TRIM56: variants seen among roughly 807,000 people sequenced by gnomAD.
The protein encoded by TRIM56 is tripartite motif containing 56.
In TRIM56, 10 loss-of-function variants were observed where a neutral mutation model predicts 17.1. The observed-to-expected ratio is 0.58, with a 90% CI of 0.36 to 0.99. The LOEUF (loss-of-function observed/expected upper bound fraction) is 0.99. Among genes scored for constraint, TRIM56 ranks in the 50% least tolerant of loss-of-function variants. The pLI is 0.01. For synonymous variants in TRIM56, 503 were observed against 473.5 expected, an observed-to-expected ratio of 1.06 and a Z score of -0.81; for missense variants, 923 against 1,052.3, an observed-to-expected ratio of 0.88 and a Z score of 1.70.
In TRIM56 at chr7:101,087,333, G is replaced by A. The variant is rs1259719489; in HGVS notation, c.21G>A (p.Ser7=). ...GCAGCATGGTTTCCCACGGGTCCTC[G>A]CCCTCCCTCCTGGAGGCCCTGAGCA... The part of the protein sequence containing the change: MVSHGS[S]PSLLEALSSD... The change falls in exon 3 of 3, where the codon TCG becomes TCA. Residue 7 remains serine (S), a synonymous_variant. Transcript: ENST00000306085. 13 of 1,612,380 alleles carry A rather than the reference G, an allele frequency of 8.1e-6. No homozygotes were observed. The highest frequency in any genetic ancestry group is 1.3e-5 in the African/African-American group (1 of 75,018).
rs1345552319 is a variant in TRIM56 at position 101,091,931 on chromosome 7, G to A, written c.*2351G>A. 3.6e-5 allele frequency: 11 copies of A among 305,588 alleles called. No individual in the cohort carries two copies. The highest frequency in any genetic ancestry group is 1.2e-4 in the East Asian group (1 of 8,204). 18.9% of individuals were successfully genotyped at this position (305,588 alleles called of 1,614,324 possible). ...GCCTGCCGAGTGCCTGCGATTGCAG[G>A]CGCGCGCCGCCACGCCTGACTGGTT... On this transcript the variant is annotated 3_prime_UTR_variant, in exon 3 of 3. Transcript: ENST00000306085.
At chr7:101,087,203 C>T (rs953732421) in intron 2 of TRIM56, 35 bp downstream of exon 2, 1 of 1,043,544 alleles carries the variant, frequency 9.6e-7, no homozygotes, top group Non-Finnish European at 1.4e-6. Flanking sequence ...CCATTTGGGT[C>T]AGCCCCTAGC....
At position 101,097,802 on chromosome 7, in the gene TRIM56, T is replaced by C. The variant is rs892679720; in HGVS notation, c.*8222T>C. The C allele has an allele frequency of 3.9e-5, 6 of 152,228 alleles. No individual in the cohort carries two copies. Among genetic ancestry groups the C allele is most frequent in the Admixed American group, 3.9e-4 (6 of 15,272 alleles). The allele number at this position is 152,228 out of a possible 1,614,324, so 9.4% of individuals were successfully genotyped here. On this transcript the variant is annotated 3_prime_UTR_variant, in exon 3 of 3. Coordinates refer to ENST00000306085, the MANE Select transcript of TRIM56 (RefSeq NM_030961.3). ...CCCAGCCCATTTCTCTACATTGCCA[T>C]GGGCTAAACCCAGTGTGCTGTAAAC...
chr7:101,094,481 C>T lies in TRIM56; in HGVS notation c.*4901C>T, dbSNP rs971700056. On this transcript the variant is annotated 3_prime_UTR_variant, in exon 3 of 3. Coordinates refer to ENST00000306085, the MANE Select transcript of TRIM56 (RefSeq NM_030961.3). ...CTTGATTATTTGCTTCAAGGAAATA[C>T]ACCTTTATAAGTAATACTCAATAAC... 6.6e-6 allele frequency: 1 copy of T among 152,068 alleles called. No individual in the cohort carries two copies. The highest frequency in any genetic ancestry group is 2.4e-5 in the African/African-American group (1 of 41,394). 9.4% of individuals were successfully genotyped at this position (152,068 alleles called of 1,614,324 possible).
rs1298017515 is a variant in TRIM56, at chr7:101,087,841, C to G, written c.529C>G (p.Leu177Val). Residue 177 changes from leucine to valine, a missense_variant, in exon 3 of 3, where the codon CTG becomes GTG. Physicochemically the swap from Leu to Val is conservative, Grantham distance 32. Transcript: ENST00000306085. ...GTGTCCCCAGCACCCCGGGGAGGCA[C>G]TGCGCTTCCTGTGCCAGCCCTGCTC... The part of the protein sequence containing the change: ...AQCPQHPGEA[L>V]RFLCQPCSQL... 4 of 1,604,026 alleles carry G rather than the reference C, an allele frequency of 2.5e-6. No individual in the cohort carries two copies. The highest frequency in any genetic ancestry group is 3.4e-6 in the Non-Finnish European group (4 of 1,176,576).
chr7:101,089,513 G>A lies in TRIM56; in HGVS notation c.2201G>A (p.Arg734Lys). The A allele has an allele frequency of 6.2e-7, 1 of 1,614,244 alleles. No individual in the cohort carries two copies. Among genetic ancestry groups the A allele is most frequent in the Non-Finnish European group, 8.5e-7 (1 of 1,180,050 alleles). The change falls in exon 3 of 3, where the codon AGG (arginine) becomes AAG (lysine). Residue 734 changes from arginine (R) to lysine (K), a missense_variant. By Grantham distance (26) the Arg-to-Lys change is conservative. Coordinates refer to ENST00000306085, the MANE Select transcript of TRIM56 (RefSeq NM_030961.3). ...CGGGTTACCACCATGGTGGATGGCAGGTACCTGGTCGTGTCCCTCAGTAAC... is the reference window on the plus strand; with the variant it reads ...CGGGTTACCACCATGGTGGATGGCAAGTACCTGGTCGTGTCCCTCAGTAAC... Reference protein sequence around the residue: ...KPRVTTMVDGRYLVVSLSNGT... With the variant: ...KPRVTTMVDGKYLVVSLSNGT...
chr7:101,091,595 C>G lies in TRIM56; in HGVS notation c.*2015C>G, dbSNP rs572010394. ...TACAAAAATTAGCTAGGCGTGGGAGCGGGCGTCTGTAATCCCAGCTACTTG... is the reference window on the plus strand; with the variant it reads ...TACAAAAATTAGCTAGGCGTGGGAGGGGGCGTCTGTAATCCCAGCTACTTG... On this transcript the variant is annotated 3_prime_UTR_variant, in exon 3 of 3. Transcript: ENST00000306085. 2.7e-6 allele frequency: 1 copy of G among 367,582 alleles called. No individual in the cohort carries two copies. The highest frequency in any genetic ancestry group is 8.0e-5 in the East Asian group (1 of 12,556). The allele number at this position is 367,582 out of a possible 1,614,324, so 22.8% of individuals were successfully genotyped here.
In TRIM56 at chr7:101,095,062, G is replaced by T. The variant is rs1381472166; in HGVS notation, c.*5482G>T. ...CATCTGCCTCCCAAGGCTGGGCTCC[G>T]CGTCAAAAAAAAAAAAAAAAAATGA... On this transcript the variant is annotated 3_prime_UTR_variant, in exon 3 of 3. Coordinates refer to ENST00000306085, the MANE Select transcript of TRIM56 (RefSeq NM_030961.3). 9.3e-6 allele frequency: 1 copy of T among 107,144 alleles called. No individual in the cohort carries two copies. The highest frequency in any genetic ancestry group is 3.3e-4 in the South Asian group (1 of 3,040). The allele number at this position is 107,144 out of a possible 1,614,324, so 6.6% of individuals were successfully genotyped here. A position where few individuals can be genotyped will look rare whatever the true frequency, so the allele number is the denominator to read the frequency against.
In TRIM56 at chr7:101,089,041, G is replaced by T; in HGVS notation, c.1729G>T (p.Gly577Cys). 1 of 1,602,496 alleles carries T rather than the reference G, an allele frequency of 6.2e-7. No individual in the cohort carries two copies. Among genetic ancestry groups the T allele is most frequent in the Non-Finnish European group, 8.5e-7 (1 of 1,178,366 alleles). The part of the protein sequence containing the change: ...SARLYLINPN[G>C]EVQWRRALSL... ...ACGGCTCTATCTCATCAACCCCAAC[G>T]GCGAAGTGCAGTGGCGCAGGGCCCT... is the stretch of plus-strand genomic sequence containing the variant. Residue 577 changes from glycine (G) to cysteine (C), a missense_variant, in exon 3 of 3, where the codon GGC becomes TGC. This residue lies in a region of TRIM56 where 643 missense variants were observed against 665.6 expected (regional missense o/e 0.97). Transcript: ENST00000306085.
chr7:101,091,875 T>A lies in TRIM56; in HGVS notation c.*2295T>A, dbSNP rs956892893. 4 of 338,094 alleles carry A rather than the reference T, an allele frequency of 1.2e-5. No homozygotes were observed. The highest frequency in any genetic ancestry group is 2.3e-5 in the Non-Finnish European group (4 of 171,676). 20.9% of individuals were successfully genotyped at this position (338,094 alleles called of 1,614,324 possible). A position where few individuals can be genotyped will look rare whatever the true frequency, so the allele number is the denominator to read the frequency against. On this transcript the variant is annotated 3_prime_UTR_variant, in exon 3 of 3. Coordinates refer to ENST00000306085, the MANE Select transcript of TRIM56 (RefSeq NM_030961.3). ...CTGTACTGCTGCCATCTCGGCTCAC[T>A]GCAACCTCCCTGCCTGATTCTCCTG...
rs763535074 is a variant in TRIM56, at chr7:101,088,412, G to A, written c.1100G>A (p.Arg367Gln). 2.6e-5 allele frequency: 42 copies of A among 1,608,228 alleles called. No individual in the cohort carries two copies. Among genetic ancestry groups the A allele is most frequent in the South Asian group, 6.6e-5 (6 of 90,708 alleles). ...CTGGACAAGAACTGCCACCTTCTTC[G>A]GCTGTCCTTTGAGGAGCAGCAGCCC... is the stretch of plus-strand genomic sequence containing the variant. ...GLLDKNCHLL[R>Q]LSFEEQQPQK... Residue 367 changes from arginine (R) to glutamine (Q), a missense_variant, in exon 3 of 3, where the codon CGG becomes CAG. By Grantham distance (43) the Arg-to-Gln change is conservative. Around this residue, in one of 3 missense-constraint regions of TRIM56, gnomAD observed 643 missense variants for 665.6 expected, o/e 0.97. Transcript: ENST00000306085.
rs906370685 is a variant in TRIM56 at position 101,094,499 on chromosome 7, T to G, written c.*4919T>G. On this transcript the variant is annotated 3_prime_UTR_variant, in exon 3 of 3. Coordinates refer to ENST00000306085, the MANE Select transcript of TRIM56 (RefSeq NM_030961.3). Reference sequence around the variant, plus strand: ...GGAAATACACCTTTATAAGTAATACTCAATAACTACTGGGTTTGAGAATGA... The same window carrying G: ...GGAAATACACCTTTATAAGTAATACGCAATAACTACTGGGTTTGAGAATGA... The G allele has an allele frequency of 6.6e-6, 1 of 152,186 alleles. No homozygotes were observed. The highest frequency in any genetic ancestry group is 1.5e-5 in the Non-Finnish European group (1 of 68,038). The allele number at this position is 152,186 out of a possible 1,614,324, so 9.4% of individuals were successfully genotyped here. A position where few individuals can be genotyped will look rare whatever the true frequency, so the allele number is the denominator to read the frequency against.
chr7:101,087,605 A>G lies in TRIM56; in HGVS notation c.293A>G (p.Lys98Arg). 6.2e-7 allele frequency: 1 copy of G among 1,612,252 alleles called. No individual in the cohort carries two copies. Among genetic ancestry groups the G allele is most frequent in the South Asian group, 1.1e-5 (1 of 90,976 alleles). The stretch of plus-strand genomic sequence containing the variant: ...GCCTGTGGAGACCTGCGTGCCGGGA[A>G]GCCAGCCTGTGCCCTGTGTCCCCTG... Reference protein sequence around the residue: ...ARACGDLRAGKPACALCPLVG... With the variant: ...ARACGDLRAGRPACALCPLVG... The change falls in exon 3 of 3, where the codon AAG becomes AGG. Residue 98 changes from lysine to arginine, a missense_variant. Around this residue, in one of 3 missense-constraint regions of TRIM56, gnomAD observed 98 missense variants for 143.6 expected, o/e 0.68. Transcript: ENST00000306085.
chr7:101,090,912 G>A lies in TRIM56; in HGVS notation c.*1332G>A, dbSNP rs1795553175. 6.6e-6 allele frequency: 1 copy of A among 152,148 alleles called. No individual in the cohort carries two copies. Among genetic ancestry groups the A allele is most frequent in the Admixed American group, 6.6e-5 (1 of 15,258 alleles). The allele number at this position is 152,148 out of a possible 1,614,324, so 9.4% of individuals were successfully genotyped here. The stretch of plus-strand genomic sequence containing the variant: ...GCAAAATTCCTTTTGAGATATGTTG[G>A]CCTTCACTCGGCTGAACTAGGGGGT... On this transcript the variant is annotated 3_prime_UTR_variant, in exon 3 of 3. Transcript: ENST00000306085.
At position 101,088,040 on chromosome 7, in the gene TRIM56, G is replaced by A. The variant is rs371843986; in HGVS notation, c.728G>A (p.Arg243Gln). ...ARRVEKEALA[R>Q]LREQAARVGT... is the part of the protein sequence containing the mutation. The stretch of plus-strand genomic sequence containing the variant: ...AGGGTGGAGAAGGAGGCGCTAGCCC[G>A]GCTGCGGGAGCAGGCGGCCCGGGTG... Residue 243 changes from arginine to glutamine, a missense_variant, in exon 3 of 3, where the codon CGG (arginine) becomes CAG (glutamine). Physicochemically the swap from Arg to Gln is conservative, Grantham distance 43 (BLOSUM62 1). Coordinates refer to ENST00000306085, the MANE Select transcript of TRIM56 (RefSeq NM_030961.3). 4.5e-6 allele frequency: 7 copies of A among 1,543,882 alleles called. No homozygotes were observed. Among genetic ancestry groups the A allele is most frequent in the Middle Eastern group, 1.9e-4 (1 of 5,156 alleles).
At position 101,087,197 on chromosome 7, in the gene TRIM56, T is replaced by C. The variant is rs1400166709; in HGVS notation, c.-2+29T>C. 15 of 981,298 alleles carry C rather than the reference T, an allele frequency of 1.5e-5. No homozygotes were observed. In the East Asian group the frequency reaches 3.4e-4, roughly 22 times the overall value. The allele number at this position is 981,298 out of a possible 1,614,324, so 60.8% of individuals were successfully genotyped here. On this transcript the variant is annotated intron_variant, in intron 2 of 2. Transcript: ENST00000306085. ...AGACCTCAGGTTCCTTCCCGGCCAT[T>C]TGGGTCAGCCCCTAGCCCTGGGGAT... is the stretch of plus-strand genomic sequence containing the variant.
chr7:101,088,443 G>A lies in TRIM56; in HGVS notation c.1131G>A (p.Lys377=). Residue 377 remains lysine (K), a synonymous_variant, in exon 3 of 3, where the codon AAG becomes AAA. Transcript: ENST00000306085. The part of the protein sequence containing the change: ...RLSFEEQQPQ[K]DGGKDGAGTQ... ...CCTTTGAGGAGCAGCAGCCCCAGAA[G>A]GATGGTGGGAAAGACGGAGCTGGTA... The A allele has an allele frequency of 2.5e-6, 4 of 1,613,640 alleles. No homozygotes were observed. The highest frequency in any genetic ancestry group is 3.4e-6 in the Non-Finnish European group (4 of 1,179,800).
Position 101,089,117 on chromosome 7 carries a change from G to C in TRIM56, c.1805G>C (p.Arg602Pro). The C allele has an allele frequency of 6.2e-7, 1 of 1,605,504 alleles. No individual in the cohort carries two copies. The highest frequency in any genetic ancestry group is 8.5e-7 in the Non-Finnish European group (1 of 1,178,008). ...HAVAALPSGD[R>P]VAVSVAGHVE... ...GTGGCGGCACTGCCTAGCGGGGACC[G>C]CGTGGCTGTCAGCGTGGCGGGCCAC... is the stretch of plus-strand genomic sequence containing the variant. The change falls in exon 3 of 3, where the codon CGC (arginine) becomes CCC (proline). Residue 602 changes from arginine to proline, a missense_variant. Around this residue, in one of 3 missense-constraint regions of TRIM56, gnomAD observed 182 missense variants for 243.1 expected, o/e 0.75. Coordinates refer to ENST00000306085, the MANE Select transcript of TRIM56 (RefSeq NM_030961.3).
In TRIM56 at chr7:101,089,937, T is replaced by TA. The variant is rs1396561479; in HGVS notation, c.*358dup. On this transcript the variant is annotated 3_prime_UTR_variant, in exon 3 of 3. Coordinates refer to ENST00000306085, the MANE Select transcript of TRIM56 (RefSeq NM_030961.3). ...TTGCATTCTTCAAAACCATTCCTGA[T>TA]AGAGTAGCCGAGGGAGAGTCTTGGG... is the stretch of plus-strand genomic sequence containing the variant. 45 of 223,186 alleles carry TA rather than the reference T, an allele frequency of 2.0e-4. No individual in the cohort carries two copies. The highest frequency in any genetic ancestry group is 3.5e-4 in the Non-Finnish European group (36 of 103,406). 13.8% of individuals were successfully genotyped at this position (223,186 alleles called of 1,614,324 possible). A position where few individuals can be genotyped will look rare whatever the true frequency, so the allele number is the denominator to read the frequency against.
Sources: allele counts gnomAD v4.1 joint callset, GRCh38; gene constraint gnomAD v4.1.1; regional missense constraint gnomAD v4.1.1; transcripts MANE v1.5; gene names NCBI Gene and HGNC (gene_info 2026-07-23, HGNC 2026-07-21).